CNTN1: variants seen among roughly 807,000 people sequenced by gnomAD.
The protein encoded by CNTN1 is contactin 1, also known as contactin-1.
CNTN1 carries 38 observed loss-of-function variants against 126.4 expected under a neutral mutation model. The observed-to-expected ratio is 0.30, with a 90% CI of 0.23 to 0.39. CNTN1 has a LOEUF of 0.39. CNTN1 is among the 10% of genes least tolerant of loss of function. The probability of loss-of-function intolerance (pLI) is 1.00; values close to 1 mark genes in which losing one functional copy is unlikely to be tolerated. For synonymous variants in CNTN1, 413 were observed against 422.6 expected (o/e 0.98, Z 0.28); for missense variants, 1,009 against 1,248.4 (o/e 0.81, Z 2.89).
intron 1 of CNTN1, among the ~76,000 whole-genome samples, chr12:40,751,118 A>G (rs1173413586): frequency 6.6e-6 from 1 of 152,128 alleles, no homozygotes; most frequent in African/African-American, 2.4e-5. Flanking sequence ...ATGGAATCTA[A>G]TAGGATGAAG....
At chr12:40,791,215 A>G (rs1427597797) in intron 1 of CNTN1, among the ~76,000 whole-genome samples, 5 of 152,044 alleles carry the variant, frequency 3.3e-5, no homozygotes, top group Non-Finnish European at 7.4e-5. Flanking sequence ...ATGAAAAGAG[A>G]CTCACTTTTA....
rs763176080 is a variant in CNTN1 at position 40,918,678 on chromosome 12, A to C, written c.134A>C (p.Glu45Ala). 1 of 1,613,418 alleles carries C rather than the reference A, an allele frequency of 6.2e-7. No individual in the cohort carries two copies. Among genetic ancestry groups the C allele is most frequent in the African/African-American group, 1.3e-5 (1 of 74,888 alleles). ...AAAGGATTTGGACCAATTTTTGAAG[A>C]GCAGCCAATCAATACCATTTATCCA... The part of the protein sequence containing the change: ...EDKGFGPIFE[E>A]QPINTIYPEE... The change falls in exon 4 of 24, where the codon GAG becomes GCG. Residue 45 changes from glutamate to alanine, a missense_variant. Transcript: ENST00000551295.
chr12:40,912,742 A>T (rs754326702), intron 3 of CNTN1, among the ~76,000 whole-genome samples: 3 of 152,068 alleles, frequency 2.0e-5, no homozygotes, highest in Non-Finnish European at 4.4e-5. Context: ...TTTCAACTAG[A>T]CTCACATCAG....
At chr12:40,934,485 T>C (rs1386817854) in intron 9 of CNTN1, among the ~76,000 whole-genome samples, 1 of 150,992 alleles carries the variant, frequency 6.6e-6, no homozygotes, top group African/African-American at 2.4e-5. Context: ...TTTCACACAT[T>C]AAAATAAACT....
chr12:40,881,580 G>A (rs547464971), intron 1 of CNTN1, among the ~76,000 whole-genome samples: 1 of 151,844 alleles, frequency 6.6e-6, no homozygotes, highest in Non-Finnish European at 1.5e-5. Flanking sequence ...TACTCCAGTA[G>A]GCCCCTATTT....
At chr12:40,747,227 A>G (rs1292884917) in intron 1 of CNTN1, among the ~76,000 whole-genome samples, 1 of 151,876 alleles carries the variant, frequency 6.6e-6, no homozygotes, top group Non-Finnish European at 1.5e-5. Context: ...ATTATCATAC[A>G]TGGCATTTCT....
At chr12:41,001,513 A>AT (rs1216215258) in intron 17 of CNTN1, among the ~76,000 whole-genome samples, 1 of 152,064 alleles carries the variant, frequency 6.6e-6, no homozygotes, top group Non-Finnish European at 1.5e-5. Flanking sequence ...TTGTCAGATG[A>AT]TTAGTTTGCA....
chr12:40,707,227 C>CTTTCTTTTT (rs1941782156), intron 1 of CNTN1, among the ~76,000 whole-genome samples: 1 of 109,166 alleles, frequency 9.2e-6, no homozygotes, highest in Non-Finnish European at 1.8e-5. Flanking sequence ...TTTTCTTTTT[C>CTTTCTTTTT]TTTTTTTTTT....
At chr12:40,960,490 C>A (rs532382465) in intron 15 of CNTN1, among the ~76,000 whole-genome samples, 1 of 151,968 alleles carries the variant, frequency 6.6e-6, no homozygotes, top group Admixed American at 6.6e-5. Flanking sequence ...GCATTTCCCT[C>A]TAGAGCAATG....
intron 21 of CNTN1, among the ~76,000 whole-genome samples, chr12:41,026,512 C>T (rs1161496779): frequency 6.6e-6 from 1 of 152,148 alleles, no homozygotes; most frequent in African/African-American, 2.4e-5. Context: ...ATAAGAAGAA[C>T]CCACTATGTG....
intron 13 of CNTN1, 58 bp downstream of exon 13, chr12:40,943,782 C>T: frequency 6.3e-7 from 1 of 1,575,138 alleles, no homozygotes; most frequent in Non-Finnish European, 8.7e-7. Context: ...TGATTCAGCA[C>T]TAAGCATCTA....
intron 1 of CNTN1, among the ~76,000 whole-genome samples, chr12:40,837,051 T>C (rs1039052105): frequency 6.6e-6 from 1 of 152,198 alleles, no homozygotes; most frequent in Non-Finnish European, 1.5e-5. Flanking sequence ...CTATATTCAT[T>C]AGATTGTTCA....
intron 1 of CNTN1, among the ~76,000 whole-genome samples, chr12:40,808,297 A>G (rs1390380740): frequency 1.3e-5 from 2 of 152,186 alleles, no homozygotes; most frequent in Admixed American, 1.3e-4. Flanking sequence ...ATGTGCTGGT[A>G]AATGTGTAAC....
intron 1 of CNTN1, among the ~76,000 whole-genome samples, chr12:40,820,658 C>T (rs527269616): frequency 6.6e-6 from 1 of 152,200 alleles, no homozygotes; most frequent in South Asian, 2.1e-4. Flanking sequence ...CAGCATCTCC[C>T]TCTCCAGGTT....
At chr12:40,764,387 T>C (rs536292938) in intron 1 of CNTN1, among the ~76,000 whole-genome samples, 135 of 152,330 alleles carry the variant, frequency 8.9e-4, no homozygotes, top group African/African-American at 2.9e-3. Flanking sequence ...ACTAATGGAA[T>C]AGTACTGAAG....
At position 40,980,954 on chromosome 12, in the gene CNTN1, C is replaced by T; in HGVS notation, c.1850C>T (p.Ala617Val). Residue 617 changes from alanine (A) to valine (V), a missense_variant, in exon 16 of 24, where the codon GCC becomes GTC. Transcript: ENST00000551295. ...GGTCTGAGAATAGAAGACATTAGAG[C>T]CACTTCTGTGGCACTTACTTGGAGC... ...PGGLRIEDIR[A>V]TSVALTWSRG... The T allele has an allele frequency of 6.2e-7, 1 of 1,613,992 alleles. No homozygotes were observed. Among genetic ancestry groups the T allele is most frequent in the Non-Finnish European group, 8.5e-7 (1 of 1,179,910 alleles).
At chr12:40,988,440 A>G (rs1231824023) in intron 16 of CNTN1, among the ~76,000 whole-genome samples, 2 of 152,124 alleles carry the variant, frequency 1.3e-5, no homozygotes. Flanking sequence ...TCTTGACACA[A>G]TCTGTTTTTT....
At chr12:40,758,654 A>G (rs1938707456) in intron 1 of CNTN1, among the ~76,000 whole-genome samples, 1 of 152,164 alleles carries the variant, frequency 6.6e-6, no homozygotes, top group Non-Finnish European at 1.5e-5. Context: ...AAAGAGTATA[A>G]TGAACTGCTA....
intron 1 of CNTN1, among the ~76,000 whole-genome samples, chr12:40,871,184 GAGAAAAAAAAAAAAAAAA>G (rs1943476256): frequency 1.5e-5 from 1 of 65,734 alleles, no homozygotes; most frequent in Non-Finnish European, 2.8e-5. Flanking sequence ...ATCTGTTACA[GAGAAAAAAAAAAAAAAAA>G]AAAAAAAAAA....
Sources: allele counts gnomAD v4.1 joint callset (sites outside exome capture counted in the v4.1 genomes callset), GRCh38; gene constraint gnomAD v4.1.1; transcripts MANE v1.5; gene names NCBI Gene and HGNC (gene_info 2026-07-23, HGNC 2026-07-21).